FHOD3: variants seen among roughly 807,000 people sequenced by gnomAD.
FHOD3 encodes FH1/FH2 domain-containing protein 3.
A neutral mutation model predicts 173.0 loss-of-function variants in FHOD3; 90 were observed. The ratio of observed to expected loss-of-function variants is 0.52; its 90% CI spans 0.44 to 0.62. The LOEUF is 0.62. Ranked by LOEUF, FHOD3 falls within the 20% of genes least tolerant of loss-of-function variation. The pLI is 0.00. For missense variants in FHOD3, 1,945 were observed against 2,034.7 expected, an observed-to-expected ratio of 0.96 and a Z score of 0.85; for synonymous variants, 828 against 823.0, an observed-to-expected ratio of 1.01 and a Z score of -0.10.
chr18:36,323,205 T>A (rs965914106), intron 1 of FHOD3, among the ~76,000 whole-genome samples: 5 of 152,162 alleles, frequency 3.3e-5, no homozygotes, highest in Admixed American at 2.6e-4. Flanking sequence ...GTGTGTTATG[T>A]CAGGGCTGGG....
chr18:36,688,690 AT>A (rs2038780186), intron 16 of FHOD3, among the ~76,000 whole-genome samples: 1 of 152,198 alleles, frequency 6.6e-6, no homozygotes, highest in Non-Finnish European at 1.5e-5. Flanking sequence ...TTCTGTACTT[AT>A]TTGAGCTTTC....
chr18:36,298,024 G>T, intron 1 of FHOD3, 24 bp downstream of exon 1: 1 of 1,499,304 alleles, frequency 6.7e-7, no homozygotes, highest in Non-Finnish European at 8.9e-7. Context: ...GGGTGGGCTG[G>T]GCCCCCTGGA....
At chr18:36,616,169 T>C (rs577597221) in intron 9 of FHOD3, among the ~76,000 whole-genome samples, 190 of 152,322 alleles carry the variant, frequency 1.2e-3, no homozygotes, top group Non-Finnish European at 2.3e-3. Flanking sequence ...TTGGTTTAAA[T>C]AAAGGTAGAA....
At chr18:36,709,515 CTG>C in intron 18 of FHOD3, 124 bp downstream of exon 18, 1 of 1,049,184 alleles carries the variant, frequency 9.5e-7, no homozygotes, top group African/African-American at 1.6e-5. Flanking sequence ...ACTCATGTGG[CTG>C]TGTCACCCAG....
chr18:36,481,621 C>T (rs1185841474), intron 3 of FHOD3, among the ~76,000 whole-genome samples: 3 of 152,044 alleles, frequency 2.0e-5, no homozygotes, highest in African/African-American at 7.3e-5. Context: ...ACATTTTTCT[C>T]TCTTGGTATT....
intron 3 of FHOD3, among the ~76,000 whole-genome samples, chr18:36,483,037 A>G (rs2054014186): frequency 1.3e-5 from 2 of 152,100 alleles, no homozygotes; most frequent in Admixed American, 6.5e-5. Flanking sequence ...GGGAAGAGAG[A>G]TGGAACTTCA....
chr18:36,483,119 G>T (rs2054017862), intron 3 of FHOD3, among the ~76,000 whole-genome samples: 1 of 152,166 alleles, frequency 6.6e-6, no homozygotes. Context: ...TGAGTGGGAG[G>T]ATTGGAAGAA....
At chr18:36,588,409 A>T (rs2059110157) in intron 6 of FHOD3, among the ~76,000 whole-genome samples, 1 of 152,222 alleles carries the variant, frequency 6.6e-6, no homozygotes, top group African/African-American at 2.4e-5. Context: ...AAAACTTTAT[A>T]GATCAAGTTA....
chr18:36,437,959 G>C (rs934447069), intron 3 of FHOD3, among the ~76,000 whole-genome samples: 1 of 152,212 alleles, frequency 6.6e-6, no homozygotes, highest in South Asian at 2.1e-4. Flanking sequence ...ACCGCGCCTG[G>C]CCGAGTTTTT....
chr18:36,314,201 G>C (rs79996744), intron 1 of FHOD3, among the ~76,000 whole-genome samples: 4,935 of 152,296 alleles, frequency 0.032, 260 homozygotes, highest in African/African-American at 0.11. Flanking sequence ...GTGAGGCAAA[G>C]TACTGGCGTC....
At position 36,659,457 on chromosome 18, in the gene FHOD3, A is replaced by G. The variant is rs1333898852; in HGVS notation, c.1835+1269A>G. On this transcript the variant is annotated intron_variant, in intron 14 of 28. Coordinates refer to ENST00000590592, the MANE Select transcript of FHOD3 (RefSeq NM_001281740.3). ...AGCTGAAGTTACCTGTAGTCCTGAA[A>G]AGGTCACCATACAGATGACCCTTGT... Among the ~76,000 whole-genome samples, 4 of 152,168 alleles carry G rather than the reference A, an allele frequency of 2.6e-5. No individual in the cohort carries two copies. In the South Asian group the frequency reaches 6.2e-4, roughly 24 times the overall value.
rs2091978356 is a variant in FHOD3, at chr18:36,302,414, C to CA, written c.165+4415dup. ...GCCCCTCCCCCCCGACCTGCTGAAT[C>CA]AGAACACATGCTTCACCAAGATGGC... On this transcript the variant is annotated intron_variant, in intron 1 of 28. Coordinates refer to ENST00000590592, the MANE Select transcript of FHOD3 (RefSeq NM_001281740.3). Among the ~76,000 whole-genome samples, 3 of 152,168 alleles carry CA rather than the reference C, an allele frequency of 2.0e-5. No homozygotes were observed. The South Asian group carries it at 6.2e-4, about 32-fold the overall frequency.
chr18:36,560,035 A>C (rs1233654327), intron 5 of FHOD3, among the ~76,000 whole-genome samples: 1 of 152,152 alleles, frequency 6.6e-6, no homozygotes, highest in African/African-American at 2.4e-5. Flanking sequence ...CATGCAGCAG[A>C]CTTTTTTACA....
Position 36,407,901 on chromosome 18 carries a change from G to C in FHOD3, c.337+35157G>C, listed in dbSNP as rs374450566. ...GTGGTGAACTGAGTGAGAGCTAGTA[G>C]ATGATCAATGATTGTTACATAGTTT... On this transcript the variant is annotated intron_variant, in intron 3 of 28. Transcript: ENST00000590592. Among the ~76,000 whole-genome samples the C allele has an allele frequency of 3.3e-5, 5 of 152,346 alleles. No individual in the cohort carries two copies. In the East Asian group the frequency reaches 5.8e-4, roughly 18 times the overall value.
rs1309510136 is a variant in FHOD3, at chr18:36,769,573, C to T, written c.4786+147C>T. The T allele has an allele frequency of 3.5e-6, 4 of 1,141,286 alleles. No individual in the cohort carries two copies. In the East Asian group the frequency reaches 1.0e-4, roughly 30 times the overall value. The allele number at this position is 1,141,286 out of a possible 1,614,324, so 70.7% of individuals were successfully genotyped here. Reference sequence around the variant, plus strand: ...ACTTGCACTCATCCACAGAAAGTTTCAGGGTTGGCTGTTGACGTTGGCCAT... The same window carrying T: ...ACTTGCACTCATCCACAGAAAGTTTTAGGGTTGGCTGTTGACGTTGGCCAT... On this transcript the variant is annotated intron_variant, in intron 28 of 28. Coordinates refer to ENST00000590592, the MANE Select transcript of FHOD3 (RefSeq NM_001281740.3).
intron 3 of FHOD3, among the ~76,000 whole-genome samples, chr18:36,453,418 C>T (rs1056531336): frequency 4.6e-5 from 7 of 152,246 alleles, no homozygotes; most frequent in African/African-American, 1.4e-4. Context: ...TCTTCAAAAT[C>T]CAGCAGCTGG....
intron 3 of FHOD3, among the ~76,000 whole-genome samples, chr18:36,442,322 A>AT (rs1286281436): frequency 2.0e-5 from 3 of 152,218 alleles, no homozygotes; most frequent in African/African-American, 2.4e-5. Context: ...AATGTTTATC[A>AT]TACAGAAGAT....
At chr18:36,676,582 C>A (rs1269518884) in intron 14 of FHOD3, among the ~76,000 whole-genome samples, 4 of 152,108 alleles carry the variant, frequency 2.6e-5, no homozygotes, top group Non-Finnish European at 5.9e-5. Context: ...ATATATACAT[C>A]TTCAAATGTA....
At chr18:36,337,946 A>C (rs1237265616) in intron 1 of FHOD3, among the ~76,000 whole-genome samples, 2 of 152,110 alleles carry the variant, frequency 1.3e-5, no homozygotes, top group Admixed American at 1.3e-4. Context: ...GACTCTGAGG[A>C]TCTTAAAGGC....
Sources: gnomAD v4.1 joint callset for allele counts (sites outside exome capture counted in the v4.1 genomes callset) on GRCh38, gnomAD v4.1.1 for gene constraint, MANE v1.5 for transcripts, NCBI Gene and HGNC (gene_info 2026-07-23, HGNC 2026-07-21) for gene names.